Variants in ADD1 observed in about 807,000 individuals in gnomAD.
ADD1 encodes the protein adducin 1.
A neutral mutation model predicts 80.5 loss-of-function variants in ADD1; 24 were observed. The ratio of observed to expected loss-of-function variants is 0.30; its 90% CI spans 0.22 to 0.42. ADD1 has a LOEUF of 0.42. ADD1 is among the 10% of genes least tolerant of loss of function. The pLI is 1.00. For synonymous variants in ADD1, 373 were observed against 393.8 expected (o/e 0.95, Z 0.63); for missense variants, 948 against 1,019.0 (o/e 0.93, Z 0.95).
At chr4:2,898,832 A>G (rs1735695153) in intron 8 of ADD1, 1 of 429,028 alleles carries the variant, frequency 2.3e-6, no homozygotes, top group African/African-American at 2.0e-5. Context: ...GTCATCGCAT[A>G]TGTGATGTCA....
Position 2,905,096 on chromosome 4 carries a change from T to C in ADD1, c.1494T>C (p.Ile498=), listed in dbSNP as rs1199805661. 1 of 1,614,144 alleles carries C rather than the reference T, an allele frequency of 6.2e-7. No homozygotes were observed. Among genetic ancestry groups the C allele is most frequent in the Non-Finnish European group, 8.5e-7 (1 of 1,179,994 alleles). The change falls in exon 10 of 16, where the codon ATT becomes ATC. Residue 498 remains isoleucine, a synonymous_variant. Coordinates refer to ENST00000683351, the MANE Select transcript of ADD1 (RefSeq NM_001354761.2). ...CCGGTGTCTGCGTGCCAAGCTGTATTACCAACTGCTTGGTCTGTGCCTACC... is the reference window on the plus strand; with the variant it reads ...CCGGTGTCTGCGTGCCAAGCTGTATCACCAACTGCTTGGTCTGTGCCTACC... The part of the protein sequence containing the change: ...LSSGVCVPSC[I]TNCLWTKEDG...
intron 9 of ADD1, 40 bp downstream of exon 9, chr4:2,899,475 C>T: frequency 6.2e-7 from 1 of 1,610,414 alleles, no homozygotes; most frequent in Non-Finnish European, 8.5e-7. Context: ...ACCTTTTGTT[C>T]TAAAAGCATC....
intron 1 of ADD1, among the ~76,000 whole-genome samples, chr4:2,846,734 G>A (rs1726250219): frequency 6.6e-6 from 1 of 151,270 alleles, no homozygotes. Context: ...TGCTCCTGAG[G>A]CTAAGATGGT....
chr4:2,892,847 A>G (rs1560201484), intron 4 of ADD1, among the ~76,000 whole-genome samples: 1 of 141,158 alleles, frequency 7.1e-6, no homozygotes, highest in Non-Finnish European at 1.6e-5. Context: ...ACAAAAATAA[A>G]AAACAAAAAA....
chr4:2,908,616 G>T lies in ADD1; in HGVS notation c.1698+12G>T. On this transcript the variant is annotated intron_variant, in intron 12 of 15. Transcript: ENST00000683351. Reference sequence around the variant, plus strand: ...GGAGCCTCGTCCAGGTGAGAGCCCAGAGTGTCTCTGACTTTAGTGGGTGGT... The same window carrying T: ...GGAGCCTCGTCCAGGTGAGAGCCCATAGTGTCTCTGACTTTAGTGGGTGGT... The T allele has an allele frequency of 6.2e-7, 1 of 1,611,566 alleles. No individual in the cohort carries two copies. Among genetic ancestry groups the T allele is most frequent in the Non-Finnish European group, 8.5e-7 (1 of 1,177,630 alleles).
chr4:2,857,399 C>A (rs1728241744), intron 1 of ADD1, among the ~76,000 whole-genome samples: 1 of 152,042 alleles, frequency 6.6e-6, no homozygotes, highest in Non-Finnish European at 1.5e-5. Flanking sequence ...TCGCTTGAGC[C>A]CAGGAGTTTG....
At chr4:2,888,789 A>G (rs139199461) in intron 4 of ADD1, among the ~76,000 whole-genome samples, 82 of 152,316 alleles carry the variant, frequency 5.4e-4, no homozygotes, top group African/African-American at 1.8e-3. Context: ...TTCAATATCA[A>G]TTTGAGCAAA....
At chr4:2,877,565 G>A (rs1042343528) in intron 2 of ADD1, among the ~76,000 whole-genome samples, 3 of 151,982 alleles carry the variant, frequency 2.0e-5, no homozygotes, top group Non-Finnish European at 4.4e-5. Context: ...GGAGGGCAAT[G>A]CAGAAAGCAG....
rs1711666495 is a variant in ADD1, at chr4:2,926,524, C to T, written c.2047+412C>T. 7.4e-6 allele frequency: 8 copies of T among 1,083,780 alleles called. No homozygotes were observed. The Admixed American group carries it at 1.6e-4, about 21-fold the overall frequency. 67.1% of individuals were successfully genotyped at this position (1,083,780 alleles called of 1,614,324 possible). A position where few individuals can be genotyped will look rare whatever the true frequency, so the allele number is the denominator to read the frequency against. Reference sequence around the variant, plus strand: ...GTGTCTGTCCCTCGGTCTCGTACATCCATGTCTCTCGTGAAGCCCGTGGCC... The same window carrying T: ...GTGTCTGTCCCTCGGTCTCGTACATTCATGTCTCTCGTGAAGCCCGTGGCC... On this transcript the variant is annotated intron_variant, in intron 15 of 15. Transcript: ENST00000683351. The surrounding 1 kb of genome is among the most constrained non-coding windows in gnomAD (Gnocchi z 5.0).
intron 1 of ADD1, among the ~76,000 whole-genome samples, chr4:2,863,809 T>G (rs1729153206): frequency 6.6e-6 from 1 of 152,088 alleles, no homozygotes; most frequent in Admixed American, 6.6e-5. Flanking sequence ...GCTGAAGAGA[T>G]CCTCCTGCCT....
rs1712394546 is a variant in ADD1, at chr4:2,928,621, A to G, written c.*98A>G. ...TGTCCTTGTGTAATGGAATGCAAAA[A>G]AGCCAAGCCCTCCGCCTAGAGGTCC... On this transcript the variant is annotated 3_prime_UTR_variant, in exon 16 of 16. Coordinates refer to ENST00000683351, the MANE Select transcript of ADD1 (RefSeq NM_001354761.2). The G allele has an allele frequency of 4.4e-6, 6 of 1,361,754 alleles. No individual in the cohort carries two copies. In the East Asian group the frequency reaches 1.4e-4, roughly 32 times the overall value. The allele number at this position is 1,361,754 out of a possible 1,614,324, so 84.4% of individuals were successfully genotyped here.
At chr4:2,871,125 C>T (rs1391851302) in intron 1 of ADD1, among the ~76,000 whole-genome samples, 1 of 152,058 alleles carries the variant, frequency 6.6e-6, no homozygotes, top group East Asian at 1.9e-4. Context: ...CGCGCCACCA[C>T]ACCCGGCTAA....
intron 1 of ADD1, among the ~76,000 whole-genome samples, chr4:2,874,604 C>CAAA (rs576430508): frequency 2.0e-5 from 2 of 98,012 alleles, no homozygotes. Flanking sequence ...GAGACTGTCT[C>CAAA]AAAAAAAAAA....
chr4:2,878,019 C>G (rs747420634), intron 2 of ADD1, among the ~76,000 whole-genome samples: 2 of 152,194 alleles, frequency 1.3e-5, no homozygotes, highest in South Asian at 2.1e-4. Context: ...CATGAAATTC[C>G]TAGGATAGGG....
At chr4:2,921,289 A>C (rs1343163248) in intron 14 of ADD1, among the ~76,000 whole-genome samples, 2 of 152,066 alleles carry the variant, frequency 1.3e-5, no homozygotes, top group Non-Finnish European at 2.9e-5. Flanking sequence ...CAGCATGCCC[A>C]GCTAATTTTT....
intron 9 of ADD1, chr4:2,901,847 T>TA (rs1462489411): frequency 2.9e-5 from 3 of 104,196 alleles, no homozygotes; most frequent in African/African-American, 1.5e-4. Flanking sequence ...AATGCTAAAT[T>TA]GTCCCCCCCC....
At chr4:2,863,603 G>A (rs1184593149) in intron 1 of ADD1, among the ~76,000 whole-genome samples, 5 of 152,308 alleles carry the variant, frequency 3.3e-5, no homozygotes, top group South Asian at 2.1e-4. Context: ...GGTTTGTCCA[G>A]TAATCTTAGC....
At chr4:2,860,086 T>C (rs1728638176) in intron 1 of ADD1, among the ~76,000 whole-genome samples, 1 of 152,186 alleles carries the variant, frequency 6.6e-6, no homozygotes, top group African/African-American at 2.4e-5. Flanking sequence ...CTGACTTAGC[T>C]GAGTCTTCCT....
intron 1 of ADD1, among the ~76,000 whole-genome samples, chr4:2,849,498 C>T (rs1223942015): frequency 6.6e-6 from 1 of 152,120 alleles, no homozygotes; most frequent in African/African-American, 2.4e-5. Flanking sequence ...GGGCATGCCT[C>T]AGGAATGGGG....
Sources: gnomAD v4.1 joint callset for allele counts (sites outside exome capture counted in the v4.1 genomes callset) on GRCh38, gnomAD v4.1.1 for gene constraint, Gnocchi (gnomAD v3.1) non-coding constraint, MANE v1.5 for transcripts, NCBI Gene and HGNC (gene_info 2026-07-23, HGNC 2026-07-21) for gene names.